Variants in PCNT observed in about 807,000 individuals in gnomAD.
PCNT encodes pericentrin, also known as kendrin.
Under a neutral mutation model 380.4 loss-of-function variants are expected in PCNT, and 319 were observed. The ratio of observed to expected loss-of-function variants is 0.84; its 90% confidence interval spans 0.77 to 0.92. The LOEUF is 0.92. PCNT is among the 40% of genes least tolerant of loss of function. The probability of loss-of-function intolerance (pLI) is 0.00; values close to 1 mark genes in which losing one functional copy is unlikely to be tolerated. For missense variants in PCNT, 4,400 were observed against 4,255.3 expected (o/e 1.03, Z -0.95); for synonymous variants, 1,845 against 1,735.2 (o/e 1.06, Z -1.57).
chr21:46,426,081 T>C lies in PCNT; in HGVS notation c.7320+110T>C, dbSNP rs1407985488. 1.4e-4 allele frequency: 146 copies of C among 1,064,028 alleles called. 3 individuals are homozygous for C. Among genetic ancestry groups the C allele is most frequent in the East Asian group, 4.1e-4 (16 of 38,788 alleles). The allele number at this position is 1,064,028 out of a possible 1,614,324, so 65.9% of individuals were successfully genotyped here. ...CTAGGATTTCTTTCTTTTTTTTTTT[T>C]TTTTTTTTTTTTTTTGAGACTCGGC... On this transcript the variant is annotated intron_variant, in intron 33 of 46. Transcript: ENST00000359568.
Position 46,334,614 on chromosome 21 carries a change from G to A in PCNT, c.485G>A (p.Ser162Asn). The A allele has an allele frequency of 6.2e-7, 1 of 1,607,864 alleles. No homozygotes were observed. Among genetic ancestry groups the A allele is most frequent in the South Asian group, 1.1e-5 (1 of 90,914 alleles). Reference sequence around the variant, plus strand: ...GAACAGCATGGGATGTTCACAGTCAGTGACCACCCACCAGAACAGCGTGGG... The same window carrying A: ...GAACAGCATGGGATGTTCACAGTCAATGACCACCCACCAGAACAGCGTGGG... ...PPEQHGMFTVSDHPPEQRGMF... is the reference protein window; with the variant it reads ...PPEQHGMFTVNDHPPEQRGMF... Residue 162 changes from serine (S) to asparagine (N), a missense_variant, in exon 3 of 47, where the codon AGT (serine) becomes AAT (asparagine). Transcript: ENST00000359568.
intron 2 of PCNT, among the ~76,000 whole-genome samples, chr21:46,327,243 T>TA (rs2083424198): frequency 6.6e-6 from 1 of 151,908 alleles, no homozygotes; most frequent in South Asian, 2.1e-4. Context: ...GTATTTTTAA[T>TA]AGAGGTGGGG....
chr21:46,441,433 G>A (rs2053604381), intron 43 of PCNT, among the ~76,000 whole-genome samples: 1 of 152,188 alleles, frequency 6.6e-6, no homozygotes. Context: ...ATGCCACAGA[G>A]GTGTTTCCCA....
rs766025734 is a variant in PCNT at position 46,430,018 on chromosome 21, C to T, written c.7699C>T (p.Leu2567=). 1.6e-5 allele frequency: 26 copies of T among 1,613,958 alleles called. No homozygotes were observed. Among genetic ancestry groups the T allele is most frequent in the Non-Finnish European group, 2.1e-5 (25 of 1,179,920 alleles). Residue 2567 remains leucine, a synonymous_variant, in exon 36 of 47, where the codon CTG becomes TTG. Transcript: ENST00000359568. ...TCTTTTGTCTTTCTCAGTTGAACTGCTGGCTTATAAAGTAGAGCAGGAGAA... is the reference window on the plus strand; with the variant it reads ...TCTTTTGTCTTTCTCAGTTGAACTGTTGGCTTATAAAGTAGAGCAGGAGAA... ...EHQLRRQVEL[L]AYKVEQEKCI... is the part of the protein sequence containing the mutation.
intron 15 of PCNT, among the ~76,000 whole-genome samples, chr21:46,372,822 G>A (rs191804200): frequency 1.5e-4 from 23 of 152,290 alleles, no homozygotes; most frequent in Admixed American, 1.1e-3. Flanking sequence ...CTGAGGCACA[G>A]CCCTGAGACC....
At position 46,367,364 on chromosome 21, in the gene PCNT, G is replaced by A. The variant is rs561000871; in HGVS notation, c.3165+225G>A. ...CACTCTTTCGCCAGGCTGGAGTGCA[G>A]TGGCGCAATCTTGGCTCACTGCAAC... On this transcript the variant is annotated intron_variant, in intron 15 of 46. Transcript: ENST00000359568. 6.0e-5 allele frequency among the ~76,000 whole-genome samples: 9 copies of A among 148,970 alleles called. No homozygotes were observed. In the South Asian group the frequency reaches 1.9e-3, roughly 31 times the overall value.
At chr21:46,370,687 C>G (rs928474685) in intron 15 of PCNT, among the ~76,000 whole-genome samples, 7 of 152,130 alleles carry the variant, frequency 4.6e-5, no homozygotes, top group African/African-American at 7.2e-5. Flanking sequence ...GGGATGATCT[C>G]TTGAGCTCAG....
chr21:46,383,537 A>G (rs1274897958), intron 16 of PCNT, among the ~76,000 whole-genome samples: 1 of 143,974 alleles, frequency 6.9e-6, no homozygotes, highest in Non-Finnish European at 1.5e-5. Context: ...GCGGAAGCGC[A>G]TTCACAGTGT....
In PCNT at chr21:46,334,408, T is replaced by C; in HGVS notation, c.279T>C (p.Cys93=). The C allele has an allele frequency of 6.2e-7, 1 of 1,614,156 alleles. No individual in the cohort carries two copies. Among genetic ancestry groups the C allele is most frequent in the Non-Finnish European group, 8.5e-7 (1 of 1,180,012 alleles). ...CCTCCCCTTCTTAGCCGGAGGACTG[T>C]GATGGAGAGAAGAGAGAGGACTTGG... ...GGAFAAQPED[C]DGEKREDLEQ... Residue 93 remains cysteine (C), a synonymous_variant, in exon 3 of 47, where the codon TGT becomes TGC. Transcript: ENST00000359568.
In PCNT at chr21:46,416,853, C is replaced by T. The variant is rs765202518; in HGVS notation, c.6921+14C>T. On this transcript the variant is annotated intron_variant, in intron 30 of 46. Coordinates refer to ENST00000359568, the MANE Select transcript of PCNT (RefSeq NM_006031.6). ...AGGACGGCTGTGGTAGGTGCCTGCT[C>T]TGCTCCCAGGCCTGCTGTTCCCGTG... The T allele has an allele frequency of 6.3e-7, 1 of 1,596,770 alleles. No homozygotes were observed. The highest frequency in any genetic ancestry group is 1.7e-5 in the Admixed American group (1 of 59,998).
intron 2 of PCNT, among the ~76,000 whole-genome samples, chr21:46,332,607 G>A (rs764254712): frequency 6.6e-6 from 1 of 152,144 alleles, no homozygotes; most frequent in African/African-American, 2.4e-5. Context: ...ACTTCCTCTT[G>A]ATTCTGAGAA....
At chr21:46,378,530 G>A (rs1409089434) in intron 15 of PCNT, among the ~76,000 whole-genome samples, 7 of 151,964 alleles carry the variant, frequency 4.6e-5, no homozygotes, top group Non-Finnish European at 1.0e-4. Context: ...GGATAACGCC[G>A]GACAGAAGGA....
rs2084811860 is a variant in PCNT, at chr21:46,364,012, G to A, written c.2609+78G>A. 1.8e-5 allele frequency: 24 copies of A among 1,359,434 alleles called. No homozygotes were observed. The South Asian group carries it at 2.8e-4, about 16-fold the overall frequency. 84.2% of individuals were successfully genotyped at this position (1,359,434 alleles called of 1,614,324 possible). A position where few individuals can be genotyped will look rare whatever the true frequency, so the allele number is the denominator to read the frequency against. Reference sequence around the variant, plus strand: ...GGGTAGAAGGTGGGCAGGCTCCTGGGAGGAGGCGCTGTGGGCTCCACTGGG... The same window carrying A: ...GGGTAGAAGGTGGGCAGGCTCCTGGAAGGAGGCGCTGTGGGCTCCACTGGG... On this transcript the variant is annotated intron_variant, in intron 14 of 46. Coordinates refer to ENST00000359568, the MANE Select transcript of PCNT (RefSeq NM_006031.6).
rs1378828217 is a variant in PCNT at position 46,431,950 on chromosome 21, A to G, written c.8486A>G (p.His2829Arg). 6.2e-7 allele frequency: 1 copy of G among 1,614,082 alleles called. No individual in the cohort carries two copies. Among genetic ancestry groups the G allele is most frequent in the South Asian group, 1.1e-5 (1 of 91,084 alleles). Residue 2829 changes from histidine (H) to arginine (R), a missense_variant, in exon 38 of 47, where the codon CAC becomes CGC. Coordinates refer to ENST00000359568, the MANE Select transcript of PCNT (RefSeq NM_006031.6). ...CAGCTTGAGGCTGAGGCTCAGAAGCACTGTGAGGCGCTCAGGAGAGAGAAG... is the reference window on the plus strand; with the variant it reads ...CAGCTTGAGGCTGAGGCTCAGAAGCGCTGTGAGGCGCTCAGGAGAGAGAAG... ...QQQLEAEAQK[H>R]CEALRREKEV...
chr21:46,334,626 C>T lies in PCNT; in HGVS notation c.497C>T (p.Pro166Leu). The change falls in exon 3 of 47, where the codon CCA becomes CTA. Residue 166 changes from proline to leucine, a missense_variant. Physicochemically the swap from Pro to Leu is moderately conservative, Grantham distance 98. Coordinates refer to ENST00000359568, the MANE Select transcript of PCNT (RefSeq NM_006031.6). ...ATGTTCACAGTCAGTGACCACCCAC[C>T]AGAACAGCGTGGGATGTTCACAATC... ...HGMFTVSDHPPEQRGMFTISD... is the reference protein window; with the variant it reads ...HGMFTVSDHPLEQRGMFTISD... The T allele has an allele frequency of 6.2e-7, 1 of 1,607,288 alleles. No individual in the cohort carries two copies. Among genetic ancestry groups the T allele is most frequent in the African/African-American group, 1.3e-5 (1 of 74,856 alleles).
At chr21:46,344,920 A>T (rs2084018676) in intron 3 of PCNT, among the ~76,000 whole-genome samples, 1 of 152,216 alleles carries the variant, frequency 6.6e-6, no homozygotes, top group Admixed American at 6.5e-5. Context: ...GAAGCAACTG[A>T]TTCTGATGTT....
At chr21:46,386,045 A>G (rs539978437) in intron 17 of PCNT, 62 bp downstream of exon 17, 28 of 1,601,164 alleles carry the variant, frequency 1.7e-5, no homozygotes, top group Admixed American at 3.3e-5. Flanking sequence ...GGTCATGCAG[A>G]TGCCATTGGT....
chr21:46,337,014 T>G (rs182435667), intron 3 of PCNT, among the ~76,000 whole-genome samples: 35 of 148,064 alleles, frequency 2.4e-4, no homozygotes, highest in African/African-American at 8.1e-4. Context: ...TTGTTTGTTT[T>G]TTTGAGACAG....
intron 20 of PCNT, 118 bp downstream of exon 20, chr21:46,390,950 C>A: frequency 7.6e-7 from 1 of 1,317,728 alleles, no homozygotes; most frequent in Non-Finnish European, 1.1e-6. Flanking sequence ...AAAACAAAGC[C>A]AACATGGGAG....
Sources: gnomAD v4.1 joint callset for allele counts (sites outside exome capture counted in the v4.1 genomes callset) on GRCh38, gnomAD v4.1.1 for gene constraint, MANE v1.5 for transcripts, NCBI Gene and HGNC (gene_info 2026-07-23, HGNC 2026-07-21) for gene names.